The following PER3 variants were observed in gnomAD, a reference collection of about 807,000 sequenced individuals.
PER3 encodes period circadian regulator 3, also known as period circadian protein homolog 3.
In PER3, 107 loss-of-function variants were observed where a neutral mutation model predicts 127.2. The observed-to-expected ratio is 0.84, with a 90% CI of 0.72 to 0.99. The LOEUF is 0.99. Ranked by LOEUF, PER3 falls within the 50% of genes least tolerant of loss-of-function variation. The probability of loss-of-function intolerance (pLI) is 0.00; values close to 1 mark genes in which losing one functional copy is unlikely to be tolerated. For missense variants in PER3, 1,560 were observed against 1,525.8 expected (o/e 1.02, Z -0.37); for synonymous variants, 618 against 585.8 (o/e 1.05, Z -0.79).
At chr1:7,804,513 A>T (rs2097184679) in intron 10 of PER3, among the ~76,000 whole-genome samples, 1 of 148,650 alleles carries the variant, frequency 6.7e-6, no homozygotes, top group Non-Finnish European at 1.5e-5. Context: ...TGATCCTCCC[A>T]CTTCAGCCTC....
Position 7,844,032 on chromosome 1 carries a change from T to C in PER3, c.*1277T>C. ...TTATATAACTTGCAACAAACTAATT[T>C]ATTTTTTTTTCCTTTTTTTGTTTTT... On this transcript the variant is annotated 3_prime_UTR_variant, in exon 22 of 22. Transcript: ENST00000377532. 9.4e-7 allele frequency: 1 copy of C among 1,058,460 alleles called. No homozygotes were observed. The highest frequency in any genetic ancestry group is 1.2e-6 in the Non-Finnish European group (1 of 839,710). 65.6% of individuals were successfully genotyped at this position (1,058,460 alleles called of 1,614,324 possible). A position where few individuals can be genotyped will look rare whatever the true frequency, so the allele number is the denominator to read the frequency against.
intron 13 of PER3, among the ~76,000 whole-genome samples, chr1:7,816,140 A>G (rs1190680365): frequency 1.3e-5 from 2 of 152,090 alleles, no homozygotes; most frequent in East Asian, 3.8e-4. Flanking sequence ...TCGACTCAGT[A>G]ATCTAAGCTT....
intron 4 of PER3, 95 bp from the exon 5 acceptor site, chr1:7,787,950 C>T (rs1023983693): frequency 5.8e-6 from 5 of 856,590 alleles, no homozygotes; most frequent in Non-Finnish European, 7.8e-6. Context: ...TTTTAAGATA[C>T]TGGTCATGTT....
At chr1:7,812,670 G>T (rs534170619) in intron 13 of PER3, among the ~76,000 whole-genome samples, 3 of 146,730 alleles carry the variant, frequency 2.0e-5, no homozygotes, top group South Asian at 2.2e-4. Context: ...AGGTAACTCC[G>T]TGTGCTTATG....
chr1:7,811,153 T>C (rs1304701329), intron 13 of PER3, among the ~76,000 whole-genome samples: 29 of 152,238 alleles, frequency 1.9e-4, no homozygotes, highest in Admixed American at 1.9e-3. Context: ...TTCAATAATA[T>C]AGAAATCAAA....
intron 16 of PER3, among the ~76,000 whole-genome samples, chr1:7,824,294 A>G (rs1322825282): frequency 6.6e-6 from 1 of 152,240 alleles, no homozygotes; most frequent in Non-Finnish European, 1.5e-5. Flanking sequence ...ACAAAATAGA[A>G]AACAGACAAT....
chr1:7,832,047 A>T lies in PER3; in HGVS notation c.3214+1886A>T, dbSNP rs530030823. Among the ~76,000 whole-genome samples, 48 of 152,220 alleles carry T rather than the reference A, an allele frequency of 3.2e-4. No individual in the cohort carries two copies. The Middle Eastern group carries it at 0.01, about 32-fold the overall frequency. On this transcript the variant is annotated intron_variant, in intron 19 of 21. Transcript: ENST00000377532. ...CTTGGTGAGGAGGATTTTAACAACA[A>T]ATTTAAATATTTTAATATATATGGG...
chr1:7,801,240 T>C lies in PER3; in HGVS notation c.872+49T>C, dbSNP rs1266064461. The stretch of plus-strand genomic sequence containing the variant: ...AGAAATTTGTTTCTGAAAATAAATA[T>C]AAATGTGAAGAAGATTACATTATGT... On this transcript the variant is annotated intron_variant, in intron 8 of 21. Transcript: ENST00000377532. 6 of 1,018,928 alleles carry C rather than the reference T, an allele frequency of 5.9e-6. 1 individual carries two copies. Among genetic ancestry groups the C allele is most frequent in the Non-Finnish European group, 6.0e-6 (4 of 661,340 alleles). 63.1% of individuals were successfully genotyped at this position (1,018,928 alleles called of 1,614,324 possible). A position where few individuals can be genotyped will look rare whatever the true frequency, so the allele number is the denominator to read the frequency against.
At chr1:7,804,601 A>G (rs919718485) in intron 10 of PER3, among the ~76,000 whole-genome samples, 4 of 151,134 alleles carry the variant, frequency 2.6e-5, no homozygotes, top group Non-Finnish European at 4.4e-5. Context: ...GGGTTTTGCC[A>G]TGTTGCCCAG....
rs1339202936 is a variant in PER3, at chr1:7,785,439, A to G, written c.129-2A>G. 2 of 1,609,284 alleles carry G rather than the reference A, an allele frequency of 1.2e-6. No homozygotes were observed. Among genetic ancestry groups the G allele is most frequent in the East Asian group, 4.5e-5 (2 of 44,868 alleles). On this transcript the variant is annotated splice_acceptor_variant, in intron 2 of 21. Transcript: ENST00000377532. LOFTEE classifies it high-confidence loss of function. ...AAGTTGTAATTTTTTTTTATCTTCC[A>G]GTGAACAGCAAGATCGAAACAGAGT...
In PER3 at chr1:7,800,487, C is replaced by T. The variant is rs115238487; in HGVS notation, c.794-626C>T. Among the ~76,000 whole-genome samples the T allele has an allele frequency of 8.2e-3, 1,249 of 152,078 alleles. 17 individuals are homozygous for T. Among genetic ancestry groups the T allele is most frequent in the African/African-American group, 0.028 (1,171 of 41,496 alleles). On this transcript the variant is annotated intron_variant, in intron 7 of 21. Transcript: ENST00000377532. ...TGCTGGGATTACACGCGTGAGCCAC[C>T]GAGCCCGGCGACACTTCATTTTTAA...
At chr1:7,833,459 A>G (rs2097342433) in intron 19 of PER3, among the ~76,000 whole-genome samples, 1 of 152,216 alleles carries the variant, frequency 6.6e-6, no homozygotes, top group African/African-American at 2.4e-5. Context: ...GTGCATATAC[A>G]CTTGAGATTA....
Position 7,819,306 on chromosome 1 carries a change from C to T in PER3, c.1544C>T (p.Ser515Phe). The T allele has an allele frequency of 6.2e-7, 1 of 1,613,678 alleles. No homozygotes were observed. Among genetic ancestry groups the T allele is most frequent in the Non-Finnish European group, 8.5e-7 (1 of 1,179,588 alleles). Residue 515 changes from serine (S) to phenylalanine (F), a missense_variant, in exon 14 of 22, where the codon TCC becomes TTC. Around this residue, in one of 3 missense-constraint regions of PER3, gnomAD observed 1,332 missense variants for 1,223.6 expected, o/e 1.09. Transcript: ENST00000377532. Reference sequence around the variant, plus strand: ...TCAGGTGAATGTAAGACCTTTACTTCCTTCCACCAAACACTGAAAAACAAT... The same window carrying T: ...TCAGGTGAATGTAAGACCTTTACTTTCTTCCACCAAACACTGAAAAACAAT... Reference protein sequence around the residue: ...NGGGECKTFTSFHQTLKNNSV... With the variant: ...NGGGECKTFTFFHQTLKNNSV...
intron 10 of PER3, among the ~76,000 whole-genome samples, chr1:7,804,541 C>T (rs1268821194): frequency 2.0e-5 from 3 of 151,846 alleles, no homozygotes; most frequent in Non-Finnish European, 4.4e-5. Flanking sequence ...GCTGGGCCCA[C>T]AGGTGCCTGC....
chr1:7,814,792 TGGGA>T (rs1386349892), intron 13 of PER3, among the ~76,000 whole-genome samples: 1 of 151,998 alleles, frequency 6.6e-6, no homozygotes, highest in Non-Finnish European at 1.5e-5. Context: ...CTACAGAGGG[TGGGA>T]GGAAGTTATT....
At chr1:7,800,072 C>T (rs920162884) in intron 7 of PER3, among the ~76,000 whole-genome samples, 1 of 152,060 alleles carries the variant, frequency 6.6e-6, no homozygotes, top group Admixed American at 6.6e-5. Flanking sequence ...GCCATCAGAC[C>T]TGTTTTTGTG....
At chr1:7,806,636 A>G (rs1253332581) in intron 10 of PER3, among the ~76,000 whole-genome samples, 3 of 151,344 alleles carry the variant, frequency 2.0e-5, no homozygotes, top group African/African-American at 7.3e-5. Context: ...AAAAATTTAA[A>G]AACAAAAATT....
intron 7 of PER3, among the ~76,000 whole-genome samples, chr1:7,800,237 C>T (rs191856208): frequency 1.4e-5 from 2 of 147,882 alleles, no homozygotes; most frequent in Admixed American, 6.7e-5. Flanking sequence ...TCTTGAGTCT[C>T]GCTCTGTTAC....
Position 7,784,687 on chromosome 1 carries a change from T to C in PER3, c.-191T>C. The C allele has an allele frequency of 1.9e-6, 1 of 518,940 alleles. No individual in the cohort carries two copies. Among genetic ancestry groups the C allele is most frequent in the East Asian group, 3.5e-5 (1 of 28,218 alleles). The allele number at this position is 518,940 out of a possible 1,614,324, so 32.1% of individuals were successfully genotyped here. On this transcript the variant is annotated 5_prime_UTR_variant, in exon 2 of 22. Transcript: ENST00000377532. ...CCTGAAAGTCGAGCGAGCTCCGGGTTTTGAAAATGTTGGAGGGAAAAGCTC... is the reference window on the plus strand; with the variant it reads ...CCTGAAAGTCGAGCGAGCTCCGGGTCTTGAAAATGTTGGAGGGAAAAGCTC...
Sources: gnomAD v4.1 joint callset for allele counts (sites outside exome capture counted in the v4.1 genomes callset) on GRCh38, gnomAD v4.1.1 for gene constraint, gnomAD v4.1.1 regional missense constraint, MANE v1.5 for transcripts, NCBI Gene and HGNC (gene_info 2026-07-23, HGNC 2026-07-21) for gene names.